The following CADM2 variants were observed in gnomAD, a reference collection of about 807,000 sequenced individuals.
The protein encoded by CADM2 is cell adhesion molecule 2, also known as immunoglobulin superfamily member 4D.
Under a neutral mutation model 49.8 loss-of-function variants are expected in CADM2, and 12 were observed. The observed-to-expected ratio is 0.24, with a 90% confidence interval of 0.15 to 0.39. The LOEUF is 0.39. Ranked by LOEUF, CADM2 falls within the 10% of genes least tolerant of loss-of-function variation. The pLI is 1.00. For missense variants in CADM2, 378 were observed against 492.3 expected (o/e 0.77, Z 2.20); for synonymous variants, 214 against 175.4 (o/e 1.22, Z -1.74).
At chr3:85,357,466 A>C (rs574757731) in intron 1 of CADM2, among the ~76,000 whole-genome samples, 2 of 152,274 alleles carry the variant, frequency 1.3e-5, no homozygotes, top group East Asian at 3.9e-4. Context: ...ATTATCATTT[A>C]TTATTGAGTA....
Position 85,008,638 on chromosome 3 carries a change from G to GA in CADM2, c.61+48979dup, listed in dbSNP as rs200449233. Among the ~76,000 whole-genome samples, 79 of 149,442 alleles carry GA rather than the reference G, an allele frequency of 5.3e-4. No homozygotes were observed. In the Middle Eastern group the frequency reaches 0.014, roughly 26 times the overall value. On this transcript the variant is annotated intron_variant, in intron 1 of 9. Coordinates refer to ENST00000383699, the MANE Select transcript of CADM2 (RefSeq NM_001167675.2). ...GGTTTCTACTCAAAAACAAAAATTA[G>GA]AAAAAAAAATTGATTTCAGAAGTGG...
At chr3:86,046,577 A>G (rs377176242) in intron 8 of CADM2, among the ~76,000 whole-genome samples, 3 of 152,088 alleles carry the variant, frequency 2.0e-5, no homozygotes, top group African/African-American at 7.2e-5. Context: ...TAAACATCCT[A>G]TGAGGAACAG....
At chr3:85,714,422 TTTTG>T (rs964635705) in intron 1 of CADM2, among the ~76,000 whole-genome samples, 10 of 152,120 alleles carry the variant, frequency 6.6e-5, no homozygotes, top group African/African-American at 1.7e-4. Flanking sequence ...GTTTTCTGTT[TTTTG>T]TTTGTTTGTT....
At chr3:85,580,270 C>T (rs2062757401) in intron 1 of CADM2, among the ~76,000 whole-genome samples, 5 of 152,056 alleles carry the variant, frequency 3.3e-5, no homozygotes, top group Admixed American at 3.3e-4. Context: ...GTATCTTCAA[C>T]AGAATGTATC....
chr3:85,255,956 A>AT lies in CADM2; in HGVS notation c.61+296297dup, dbSNP rs200943922. Among the ~76,000 whole-genome samples, 666 of 151,330 alleles carry AT rather than the reference A, an allele frequency of 4.4e-3. 9 individuals carry two copies. The highest frequency in any genetic ancestry group is 0.014 in the African/African-American group (572 of 41,270). Reference sequence around the variant, plus strand: ...TTGAAAATATCCACCAGCTTTTAACATTTTTTTTTCCTGAATTGCACGAGC... The same window carrying AT: ...TTGAAAATATCCACCAGCTTTTAACATTTTTTTTTTCCTGAATTGCACGAGC... On this transcript the variant is annotated intron_variant, in intron 1 of 9. Transcript: ENST00000383699.
chr3:86,027,112 A>G (rs992912715), intron 8 of CADM2, among the ~76,000 whole-genome samples: 2 of 152,160 alleles, frequency 1.3e-5, no homozygotes, highest in Admixed American at 1.3e-4. Context: ...AACAGGGTTC[A>G]TCATCATTTA....
Position 84,959,505 on chromosome 3 carries a change from G to A in CADM2, c.-103G>A. 8.7e-7 allele frequency: 1 copy of A among 1,153,696 alleles called. No individual in the cohort carries two copies. Among genetic ancestry groups the A allele is most frequent in the Non-Finnish European group, 1.2e-6 (1 of 812,164 alleles). 71.5% of individuals were successfully genotyped at this position (1,153,696 alleles called of 1,614,324 possible). On this transcript the variant is annotated 5_prime_UTR_variant, in exon 1 of 10. Transcript: ENST00000383699. ...AGCGGTGGGGACGGTGGGTCCGGCG[G>A]GCGCCGGGAGGAGGACACCAGCGGA... is the stretch of plus-strand genomic sequence containing the variant.
chr3:85,077,743 T>C (rs1441787038), intron 1 of CADM2, among the ~76,000 whole-genome samples: 1 of 152,212 alleles, frequency 6.6e-6, no homozygotes, highest in Non-Finnish European at 1.5e-5. Flanking sequence ...AATTTTGACA[T>C]AAAACTGTAT....
In CADM2 at chr3:85,272,115, G is replaced by A. The variant is rs139225141; in HGVS notation, c.61+312447G>A. 8.6e-5 allele frequency among the ~76,000 whole-genome samples: 13 copies of A among 151,128 alleles called. No individual in the cohort carries two copies. In the East Asian group the frequency reaches 2.5e-3, roughly 29 times the overall value. On this transcript the variant is annotated intron_variant, in intron 1 of 9. Transcript: ENST00000383699. ...AAAAAAAAAAGGGTTTGCTGCTAAT[G>A]ATCCAAGGTCACAGGGCAAGAAAAT...
At chr3:85,553,928 T>G (rs2061881060) in intron 1 of CADM2, among the ~76,000 whole-genome samples, 1 of 152,192 alleles carries the variant, frequency 6.6e-6, no homozygotes, top group Non-Finnish European at 1.5e-5. Context: ...AGAGTATTTG[T>G]TCTGAGTGAA....
At chr3:85,801,828 G>C (rs1427648403) in intron 2 of CADM2, among the ~76,000 whole-genome samples, 1 of 152,056 alleles carries the variant, frequency 6.6e-6, no homozygotes, top group Non-Finnish European at 1.5e-5. Context: ...AAGTTTCCTA[G>C]AACATGTAGG....
chr3:85,296,647 A>C (rs1412953017), intron 1 of CADM2, among the ~76,000 whole-genome samples: 1 of 152,054 alleles, frequency 6.6e-6, no homozygotes, highest in Non-Finnish European at 1.5e-5. Context: ...CTTCATTCCT[A>C]CAGAATAAAA....
chr3:85,206,330 T>C (rs556371250), intron 1 of CADM2, among the ~76,000 whole-genome samples: 5 of 147,844 alleles, frequency 3.4e-5, no homozygotes, highest in Non-Finnish European at 7.5e-5. Flanking sequence ...TTTTTTGAGA[T>C]GGAGTCTTGC....
chr3:85,939,468 AACACACACAC>A (rs373804679), intron 7 of CADM2, among the ~76,000 whole-genome samples: 1 of 136,976 alleles, frequency 7.3e-6, no homozygotes, highest in Admixed American at 7.6e-5. Context: ...AGTAAACGAA[AACACACACAC>A]ACACACACAC....
chr3:85,312,250 GATA>G (rs900246516), intron 1 of CADM2, among the ~76,000 whole-genome samples: 33 of 152,040 alleles, frequency 2.2e-4, no homozygotes, highest in African/African-American at 7.7e-4. Flanking sequence ...AATTAATTAT[GATA>G]ATAATTTTAA....
intron 6 of CADM2, among the ~76,000 whole-genome samples, chr3:85,912,765 G>A (rs1325026918): frequency 3.9e-5 from 6 of 152,144 alleles, no homozygotes; most frequent in Non-Finnish European, 8.8e-5. Context: ...GATGTACGAG[G>A]TTAATACTCC....
At chr3:85,345,270 T>A (rs2326267) in intron 1 of CADM2, among the ~76,000 whole-genome samples, 1 of 139,372 alleles carries the variant, frequency 7.2e-6, no homozygotes, top group Non-Finnish European at 1.5e-5. Context: ...GCTGAGATCA[T>A]GCCATTGCAC....
intron 1 of CADM2, among the ~76,000 whole-genome samples, chr3:85,315,914 C>A (rs2044454235): frequency 6.6e-6 from 1 of 152,032 alleles, no homozygotes. Flanking sequence ...CATGCATACA[C>A]ACGCCTATGT....
chr3:85,667,555 CA>C (rs2065606065), intron 1 of CADM2, among the ~76,000 whole-genome samples: 1 of 151,962 alleles, frequency 6.6e-6, no homozygotes, highest in Non-Finnish European at 1.5e-5. Context: ...GATTGGAGAA[CA>C]CAATTTGCAT....
Sources: gnomAD v4.1 joint callset for allele counts (sites outside exome capture counted in the v4.1 genomes callset) on GRCh38, gnomAD v4.1.1 for gene constraint, MANE v1.5 for transcripts, NCBI Gene and HGNC (gene_info 2026-07-23, HGNC 2026-07-21) for gene names.